The following LRP2BP variants were observed in gnomAD, a reference collection of about 807,000 sequenced individuals.
The protein encoded by LRP2BP is LRP2-binding protein.
LRP2BP carries 38 observed loss-of-function variants against 45.2 expected under a neutral mutation model. That is an observed-to-expected ratio of 0.84 (90% CI 0.65 to 1.10). The LOEUF is 1.10. LRP2BP is among the 50% of genes least tolerant of loss of function. LRP2BP has a pLI of 0.00. For synonymous variants in LRP2BP, 153 were observed against 153.9 expected (o/e 0.99, Z 0.04); for missense variants, 385 against 418.9 (o/e 0.92, Z 0.71).
In LRP2BP at chr4:185,395,664, CTAAGTA is replaced by C. The variant is rs1406550447; in HGVS notation, c.-913_-908del. The stretch of plus-strand genomic sequence containing the variant: ...ATGCTTAAAACTACCCCTTGGGTAA[CTAAGTA>C]TAACAACATAAACTTGCGATTGCAA... On this transcript the variant is annotated 5_prime_UTR_variant, in exon 1 of 9. Coordinates refer to ENST00000505916, the MANE Select transcript of LRP2BP (RefSeq NM_001377440.1). The C allele has an allele frequency of 2.0e-5, 20 of 984,644 alleles. No homozygotes were observed. Among genetic ancestry groups the C allele is most frequent in the South Asian group, 4.7e-5 (1 of 21,278 alleles). The allele number at this position is 984,644 out of a possible 1,614,324, so 61.0% of individuals were successfully genotyped here. A position where few individuals can be genotyped will look rare whatever the true frequency, so the allele number is the denominator to read the frequency against.
At chr4:185,372,461 T>A (rs986495152) in intron 7 of LRP2BP, among the ~76,000 whole-genome samples, 1 of 152,252 alleles carries the variant, frequency 6.6e-6, no homozygotes, top group Admixed American at 6.5e-5. Flanking sequence ...TTTCTAATAC[T>A]GCAGAAAGCT....
chr4:185,386,060 G>C (rs1409877554), intron 1 of LRP2BP, among the ~76,000 whole-genome samples: 2 of 152,220 alleles, frequency 1.3e-5, no homozygotes, highest in Non-Finnish European at 2.9e-5. Context: ...AGAGGAAAAT[G>C]CAGTAGTCTA....
chr4:185,395,397 C>T lies in LRP2BP; in HGVS notation c.-640G>A. 1 of 985,322 alleles carries T rather than the reference C, an allele frequency of 1.0e-6. No homozygotes were observed. The highest frequency in any genetic ancestry group is 1.2e-6 in the Non-Finnish European group (1 of 829,878). The allele number at this position is 985,322 out of a possible 1,614,324, so 61.0% of individuals were successfully genotyped here. On this transcript the variant is annotated 5_prime_UTR_variant, in exon 1 of 9. Coordinates refer to ENST00000505916, the MANE Select transcript of LRP2BP (RefSeq NM_001377440.1). ...GAATTCCTGAAAATGAACTTCTGTG[C>T]AAACCTGAAGCTTCAACACGTGTTT...
chr4:185,365,692 ATAATAATAAT>A lies in LRP2BP; in HGVS notation c.*1478_*1487del, dbSNP rs1561066612. ...GAGACTCCGTCTCAAAAAAAAAAAA[ATAATAATAAT>A]AATAATAATAATAATCTTTAGGAAC... On this transcript the variant is annotated 3_prime_UTR_variant, in exon 9 of 9. Transcript: ENST00000505916. 12 of 138,766 alleles carry A rather than the reference ATAATAATAAT, an allele frequency of 8.6e-5. No homozygotes were observed. The highest frequency in any genetic ancestry group is 3.1e-4 in the African/African-American group (11 of 35,618). 8.6% of individuals were successfully genotyped at this position (138,766 alleles called of 1,614,324 possible).
chr4:185,385,646 T>C (rs1580005463), intron 1 of LRP2BP, among the ~76,000 whole-genome samples: 1 of 152,260 alleles, frequency 6.6e-6, no homozygotes, highest in Non-Finnish European at 1.5e-5. Context: ...CTCATGCCTG[T>C]AATCCCAGCA....
rs1347295798 is a variant in LRP2BP, at chr4:185,394,975, TAAG to T, written c.-221_-219del. 26 of 985,486 alleles carry T rather than the reference TAAG, an allele frequency of 2.6e-5. No individual in the cohort carries two copies. The African/African-American group carries it at 4.5e-4, about 17-fold the overall frequency. 61.0% of individuals were successfully genotyped at this position (985,486 alleles called of 1,614,324 possible). On this transcript the variant is annotated 5_prime_UTR_variant, in exon 1 of 9. Coordinates refer to ENST00000505916, the MANE Select transcript of LRP2BP (RefSeq NM_001377440.1). ...TGGTGAAACTCCAGTTACTTGCCAG[TAAG>T]ATATTGTCCCCCAAATGTACTTATC...
chr4:185,368,032 G>C (rs1234951374), intron 8 of LRP2BP, among the ~76,000 whole-genome samples: 2 of 152,078 alleles, frequency 1.3e-5, no homozygotes, highest in Non-Finnish European at 2.9e-5. Context: ...ACAAAAATTA[G>C]CCAGGCGTGG....
intron 1 of LRP2BP, among the ~76,000 whole-genome samples, chr4:185,379,971 A>G (rs6842078): frequency 0.24 from 36,392 of 152,042 alleles, 5,201 homozygotes; most frequent in African/African-American, 0.39. Context: ...CTACAGGCAT[A>G]TGCCATGACA....
chr4:185,373,197 A>G (rs1207434752), intron 6 of LRP2BP, 118 bp from the exon 7 acceptor site: 9 of 955,610 alleles, frequency 9.4e-6, no homozygotes, highest in Non-Finnish European at 1.2e-5. Context: ...ATCTCTAGGA[A>G]AGAGCGGTAG....
intron 4 of LRP2BP, 70 bp downstream of exon 4, chr4:185,375,540 AAAT>A (rs1335095466): frequency 4.0e-6 from 1 of 248,366 alleles, no homozygotes; most frequent in Admixed American, 6.2e-5. Context: ...ATTAAAATAT[AAAT>A]AATTTTAATT....
intron 1 of LRP2BP, among the ~76,000 whole-genome samples, chr4:185,382,774 A>T (rs1438585184): frequency 6.6e-6 from 1 of 152,102 alleles, no homozygotes; most frequent in Non-Finnish European, 1.5e-5. Flanking sequence ...CAATGTGTGG[A>T]TGTTTTTCTT....
upstream of LRP2BP, chr4:185,396,924 A>G: frequency 6.2e-7 from 1 of 1,613,624 alleles, no homozygotes; most frequent in Non-Finnish European, 8.5e-7. Context: ...TAGGCGGGAA[A>G]TGCTGTTGCT....
At chr4:185,378,255 G>A (rs2126812964) in intron 1 of LRP2BP, 48 bp from the exon 2 acceptor site, 2 of 1,597,792 alleles carry the variant, frequency 1.3e-6, no homozygotes, top group Non-Finnish European at 1.7e-6. Flanking sequence ...TTCCTCCAGC[G>A]AAGTGCAAAG....
At chr4:185,369,227 CTTTTT>C (rs35543353) in intron 8 of LRP2BP, among the ~76,000 whole-genome samples, 2 of 100,926 alleles carry the variant, frequency 2.0e-5, no homozygotes, top group Admixed American at 1.1e-4. Flanking sequence ...ATACAGAGAG[CTTTTT>C]TTTTTTTTTT....
Position 185,378,065 on chromosome 4 carries a change from A to G in LRP2BP, c.106+16T>C. The G allele has an allele frequency of 1.9e-6, 3 of 1,591,488 alleles. No individual in the cohort carries two copies. The highest frequency in any genetic ancestry group is 2.6e-6 in the Non-Finnish European group (3 of 1,163,662). On this transcript the variant is annotated intron_variant, in intron 2 of 8. Coordinates refer to ENST00000505916, the MANE Select transcript of LRP2BP (RefSeq NM_001377440.1). Reference sequence around the variant, plus strand: ...AAAGTGTTTTCCAAGGGAAGCTTAAATATCAGGATTTGTACCAGTCTTTTC... The same window carrying G: ...AAAGTGTTTTCCAAGGGAAGCTTAAGTATCAGGATTTGTACCAGTCTTTTC...
chr4:185,371,414 T>A (rs7690287), intron 7 of LRP2BP, among the ~76,000 whole-genome samples: 4 of 151,660 alleles, frequency 2.6e-5, no homozygotes, highest in East Asian at 3.9e-4. Flanking sequence ...TGGTAGCGGG[T>A]GCCTGTAGTC....
chr4:185,371,146 A>AT, intron 7 of LRP2BP: 1 of 207,634 alleles, frequency 4.8e-6, no homozygotes, highest in Non-Finnish European at 9.9e-6. Flanking sequence ...AGAAGAAAGC[A>AT]TTTTCTATTT....
At chr4:185,390,027 T>C (rs1344727086) in intron 1 of LRP2BP, among the ~76,000 whole-genome samples, 1 of 152,142 alleles carries the variant, frequency 6.6e-6, no homozygotes, top group Non-Finnish European at 1.5e-5. Flanking sequence ...ATTAGGTTTC[T>C]TTAAAATGGA....
upstream of LRP2BP, chr4:185,396,874 C>T: frequency 1.9e-6 from 3 of 1,604,032 alleles, no homozygotes; most frequent in Non-Finnish European, 2.6e-6. Flanking sequence ...CGGCGAGTGT[C>T]TCACCTCTCT....
Sources: gnomAD v4.1 joint callset for allele counts (sites outside exome capture counted in the v4.1 genomes callset) on GRCh38, gnomAD v4.1.1 for gene constraint, MANE v1.5 for transcripts, NCBI Gene and HGNC (gene_info 2026-07-23, HGNC 2026-07-21) for gene names.